Variants in MYOCD observed in about 807,000 individuals in gnomAD.
MYOCD encodes the protein myocardin.
A neutral mutation model predicts 96.1 loss-of-function variants in MYOCD; 32 were observed. The observed-to-expected ratio is 0.33, with a 90% confidence interval of 0.25 to 0.45. The LOEUF (loss-of-function observed/expected upper bound fraction) is 0.45. Among genes scored for constraint, MYOCD ranks in the 20% least tolerant of loss-of-function variants. The pLI, the probability that MYOCD is intolerant of heterozygous loss-of-function variation, is 1.00. For synonymous variants in MYOCD, 469 were observed against 469.0 expected (o/e 1.00, Z 0.00); for missense variants, 1,133 against 1,200.6 (o/e 0.94, Z 0.83).
At position 12,756,550 on chromosome 17, in the gene MYOCD, A is replaced by G. The variant is rs907009442; in HGVS notation, c.2195A>G (p.Gln732Arg). 4 of 1,550,764 alleles carry G rather than the reference A, an allele frequency of 2.6e-6. No individual in the cohort carries two copies. Among genetic ancestry groups the G allele is most frequent in the Non-Finnish European group, 3.5e-6 (4 of 1,146,428 alleles). The change falls in exon 11 of 14, where the codon CAG becomes CGG. Residue 732 changes from glutamine to arginine, a missense_variant. Coordinates refer to ENST00000425538, the MANE Select transcript of MYOCD (RefSeq NM_001146312.3). ...CCTTGTCCCAAAAGCCCATGTGTAC[A>G]GCAAAAGGTAGGCACCTGAAAAAAG... ...GNPCPKSPCVQQKMAGLHSSD... is the reference protein window; with the variant it reads ...GNPCPKSPCVRQKMAGLHSSD...
In MYOCD at chr17:12,746,727, CT is replaced by C. The variant is rs3050321; in HGVS notation, c.1125+674del. On this transcript the variant is annotated intron_variant, in intron 9 of 13. Transcript: ENST00000425538. ...AGATGATGATGATGATGGTGCCTAC[CT>C]TTTTTTTTTTTTTTTTTTGAGATGG... Among the ~76,000 whole-genome samples the C allele has an allele frequency of 3.1e-3, 359 of 114,890 alleles. 2 individuals carry two copies. Among genetic ancestry groups the C allele is most frequent in the African/African-American group, 9.6e-3 (294 of 30,612 alleles). The allele number at this position is 114,890 out of a possible 152,430, so 75.4% of individuals were successfully genotyped here. A position where few individuals can be genotyped will look rare whatever the true frequency, so the allele number is the denominator to read the frequency against.
intron 1 of MYOCD, among the ~76,000 whole-genome samples, chr17:12,680,557 T>A (rs112284537): frequency 0.015 from 2,322 of 152,222 alleles, 70 homozygotes; most frequent in African/African-American, 0.052. Context: ...GGAACGCAGG[T>A]CAAATGGCAG....
In MYOCD at chr17:12,768,381, T is replaced by C. The variant is rs2033394437; in HGVS notation, c.*4737T>C. On this transcript the variant is annotated 3_prime_UTR_variant, in exon 14 of 14. Coordinates refer to ENST00000425538, the MANE Select transcript of MYOCD (RefSeq NM_001146312.3). The stretch of plus-strand genomic sequence containing the variant: ...GGAAATTATCACAGGACTCATTGAA[T>C]GCAATAACATGTGAGTAAGTTCCCT... The C allele has an allele frequency of 6.6e-6, 1 of 152,244 alleles. No homozygotes were observed. Among genetic ancestry groups the C allele is most frequent in the South Asian group, 2.1e-4 (1 of 4,830 alleles). The allele number at this position is 152,244 out of a possible 1,614,324, so 9.4% of individuals were successfully genotyped here.
At chr17:12,731,450 C>T (rs988121168) in intron 5 of MYOCD, among the ~76,000 whole-genome samples, 1 of 152,164 alleles carries the variant, frequency 6.6e-6, no homozygotes, top group African/African-American at 2.4e-5. Flanking sequence ...AACTGCCTCC[C>T]GGGTGGTCTG....
Position 12,739,434 on chromosome 17 carries a change from G to A in MYOCD, c.717+106G>A, listed in dbSNP as rs182005935. On this transcript the variant is annotated intron_variant, in intron 7 of 13. Coordinates refer to ENST00000425538, the MANE Select transcript of MYOCD (RefSeq NM_001146312.3). ...TCTGACAACACGAGGAGAGTTACAC[G>A]GAGGACCCAGGCAGAGGTTCAGCTC... The A allele has an allele frequency of 1.1e-3, 1,391 of 1,304,830 alleles. 1 individual carries two copies. Among genetic ancestry groups the A allele is most frequent in the Non-Finnish European group, 1.3e-3 (1,306 of 995,002 alleles). 80.8% of individuals were successfully genotyped at this position (1,304,830 alleles called of 1,614,324 possible). A position where few individuals can be genotyped will look rare whatever the true frequency, so the allele number is the denominator to read the frequency against.
chr17:12,696,089 G>A (rs921009265), intron 1 of MYOCD, among the ~76,000 whole-genome samples: 2 of 151,684 alleles, frequency 1.3e-5, no homozygotes, highest in Non-Finnish European at 2.9e-5. Context: ...ACAGAGTCTC[G>A]CCCTGTTACC....
intron 11 of MYOCD, among the ~76,000 whole-genome samples, chr17:12,757,694 A>G (rs1447452018): frequency 1.3e-5 from 2 of 152,036 alleles, no homozygotes; most frequent in Non-Finnish European, 2.9e-5. Flanking sequence ...GGGTTTCACC[A>G]TGTTGGCCAG....
intron 13 of MYOCD, chr17:12,761,590 TAC>T (rs5819386): frequency 0.031 from 4,356 of 141,314 alleles, 112 homozygotes; most frequent in African/African-American, 0.07. Context: ...CAGATGCCCA[TAC>T]ACACACACAC....
chr17:12,689,572 C>T, intron 1 of MYOCD, among the ~76,000 whole-genome samples: 1 of 152,212 alleles, frequency 6.6e-6, no homozygotes, highest in Non-Finnish European at 1.5e-5. Flanking sequence ...TGGGTCACAC[C>T]TGTAATCCCA....
intron 2 of MYOCD, among the ~76,000 whole-genome samples, chr17:12,709,046 C>T (rs767497429): frequency 6.6e-6 from 1 of 152,132 alleles, no homozygotes. Context: ...ATCTATGTTT[C>T]GCCATGATGA....
chr17:12,761,053 A>G (rs887969544), intron 13 of MYOCD: 5 of 197,130 alleles, frequency 2.5e-5, no homozygotes, highest in Non-Finnish European at 5.2e-5. Flanking sequence ...TAATAAAAGA[A>G]AAAAGCAGAT....
chr17:12,758,329 C>T (rs2033071881), intron 12 of MYOCD, 116 bp downstream of exon 12: 2 of 1,469,088 alleles, frequency 1.4e-6, no homozygotes, highest in Non-Finnish European at 9.2e-7. Flanking sequence ...TGTCATGTGC[C>T]ATACCACCAA....
chr17:12,691,177 T>C (rs1477535246), intron 1 of MYOCD, among the ~76,000 whole-genome samples: 1 of 152,188 alleles, frequency 6.6e-6, no homozygotes, highest in Non-Finnish European at 1.5e-5. Context: ...CCATTTCTAC[T>C]CTATCGTGAC....
chr17:12,684,669 A>G (rs1254035566), intron 1 of MYOCD, among the ~76,000 whole-genome samples: 3 of 151,224 alleles, frequency 2.0e-5, no homozygotes, highest in Admixed American at 6.6e-5. Context: ...ACATAGTGAA[A>G]CCCCGTGTCT....
intron 8 of MYOCD, 75 bp from the exon 9 acceptor site, chr17:12,745,844 T>G (rs1232302461): frequency 4.0e-6 from 6 of 1,512,182 alleles, no homozygotes; most frequent in South Asian, 2.4e-5. Context: ...GCAATCACTT[T>G]GGGATCCGAT....
rs199564361 is a variant in MYOCD at position 12,758,234 on chromosome 17, T to C, written c.2331+21T>C. ...AGCAGGTAACCATGTGATTTGTTCT[T>C]TATGGAAGAATAGACTGACTCAATG... is the stretch of plus-strand genomic sequence containing the variant. On this transcript the variant is annotated intron_variant, in intron 12 of 13. Transcript: ENST00000425538. 158 of 1,614,098 alleles carry C rather than the reference T, an allele frequency of 9.8e-5. No homozygotes were observed. In the East Asian group the frequency reaches 3.2e-3, roughly 33 times the overall value.
chr17:12,734,731 G>A (rs1188966805), intron 5 of MYOCD, among the ~76,000 whole-genome samples: 1 of 151,810 alleles, frequency 6.6e-6, no homozygotes, highest in Admixed American at 6.6e-5. Context: ...GGCTGGTCTC[G>A]AATTCCTGAC....
intron 9 of MYOCD, among the ~76,000 whole-genome samples, chr17:12,749,711 A>ATATATATATACATATATG (rs546068199): frequency 2.1e-5 from 3 of 141,672 alleles, no homozygotes; most frequent in African/African-American, 5.3e-5. Flanking sequence ...ACATATGTGT[A>ATATATATATACATATATG]TATATATGTG....
At chr17:12,668,079 C>A (rs889465150) in intron 1 of MYOCD, among the ~76,000 whole-genome samples, 7 of 152,188 alleles carry the variant, frequency 4.6e-5, no homozygotes, top group Non-Finnish European at 7.3e-5. Flanking sequence ...GGAGGTTATT[C>A]TTTCTGGATG....
Sources: gnomAD v4.1 joint callset for allele counts (sites outside exome capture counted in the v4.1 genomes callset) on GRCh38, gnomAD v4.1.1 for gene constraint, MANE v1.5 for transcripts, NCBI Gene and HGNC (gene_info 2026-07-23, HGNC 2026-07-21) for gene names.